The following NR3C2 variants were observed in gnomAD, a reference collection of about 807,000 sequenced individuals.
NR3C2 encodes nuclear receptor subfamily 3 group C member 2.
NR3C2 carries 15 observed loss-of-function variants against 86.4 expected under a neutral mutation model. The observed-to-expected ratio is 0.17, with a 90% CI of 0.12 to 0.27. NR3C2 has a LOEUF of 0.27. Among genes scored for constraint, NR3C2 ranks in the 10% least tolerant of loss-of-function variants. The pLI is 1.00. For missense variants in NR3C2, 960 were observed against 1,195.6 expected, an observed-to-expected ratio of 0.80 and a Z score of 2.91; for synonymous variants, 458 against 450.5, an observed-to-expected ratio of 1.02 and a Z score of -0.21.
intron 8 of NR3C2, among the ~76,000 whole-genome samples, chr4:148,098,491 T>C (rs1731394308): frequency 6.6e-6 from 1 of 151,958 alleles, no homozygotes; most frequent in Non-Finnish European, 1.5e-5. Flanking sequence ...AAACATGGCA[T>C]GCAGTAGACC....
intron 3 of NR3C2, among the ~76,000 whole-genome samples, chr4:148,222,751 G>T (rs1737925746): frequency 6.6e-6 from 1 of 152,186 alleles, no homozygotes; most frequent in Non-Finnish European, 1.5e-5. Flanking sequence ...CAGAGAAGGA[G>T]CAGAGAAGGT....
chr4:148,131,421 GAAA>G (rs1733040151), intron 6 of NR3C2, among the ~76,000 whole-genome samples: 1 of 151,944 alleles, frequency 6.6e-6, no homozygotes, highest in African/African-American at 2.4e-5. Context: ...ACAGCATGCA[GAAA>G]AACAGGTTTT....
At chr4:148,277,019 C>T (rs1740993769) in intron 2 of NR3C2, among the ~76,000 whole-genome samples, 1 of 152,224 alleles carries the variant, frequency 6.6e-6, no homozygotes, top group African/African-American at 2.4e-5. Context: ...CATTTAATCA[C>T]ATTTATTTCA....
chr4:148,384,067 T>C (rs13109933), intron 2 of NR3C2, among the ~76,000 whole-genome samples: 74,800 of 151,780 alleles, frequency 0.49, 19,165 homozygotes, highest in East Asian at 0.75. Flanking sequence ...TCACTGGCAA[T>C]TACCAGGAAG....
chr4:148,149,097 T>C (rs146020306), intron 6 of NR3C2, among the ~76,000 whole-genome samples: 51 of 152,334 alleles, frequency 3.3e-4, no homozygotes, highest in African/African-American at 9.4e-4. Flanking sequence ...CAGAATAGTA[T>C]CCACCCTAGC....
At chr4:148,443,014 G>A, upstream of NR3C2, 2 of 981,908 alleles carry the variant, frequency 2.0e-6, no homozygotes, top group Non-Finnish European at 2.4e-6. Flanking sequence ...GCGCGGGGAG[G>A]ACTCTGGGTG....
At chr4:148,249,270 G>A (rs1739460059) in intron 3 of NR3C2, among the ~76,000 whole-genome samples, 1 of 151,856 alleles carries the variant, frequency 6.6e-6, no homozygotes, top group Non-Finnish European at 1.5e-5. Context: ...AAAAGGGATT[G>A]AGAGGAAGGA....
chr4:148,149,261 T>C (rs1734001761), intron 6 of NR3C2, among the ~76,000 whole-genome samples: 1 of 152,218 alleles, frequency 6.6e-6, no homozygotes, highest in Non-Finnish European at 1.5e-5. Context: ...CTTTTAATAT[T>C]AGAAAGCATT....
At chr4:148,330,322 A>G (rs1280103994) in intron 2 of NR3C2, among the ~76,000 whole-genome samples, 1 of 152,158 alleles carries the variant, frequency 6.6e-6, no homozygotes, top group African/African-American at 2.4e-5. Context: ...GCCCACACAC[A>G]CTATGAATTA....
chr4:148,363,432 A>G lies in NR3C2; in HGVS notation c.1757+71672T>C, dbSNP rs1745941962. On this transcript the variant is annotated intron_variant, in intron 2 of 8. Coordinates refer to ENST00000358102, the MANE Select transcript of NR3C2 (RefSeq NM_000901.5). ...ATATTTATGTATCAAAGTCACAGGC[A>G]TCGGGGACAGGATTTTTTACATGAA... Among the ~76,000 whole-genome samples, 4 of 150,688 alleles carry G rather than the reference A, an allele frequency of 2.7e-5. 1 individual carries two copies. The South Asian group carries it at 8.4e-4, about 32-fold the overall frequency.
At chr4:148,406,861 G>A (rs1220294667) in intron 2 of NR3C2, among the ~76,000 whole-genome samples, 1 of 152,178 alleles carries the variant, frequency 6.6e-6, no homozygotes, top group Non-Finnish European at 1.5e-5. Context: ...GCAAAGTCCA[G>A]GATCAGTGTT....
intron 6 of NR3C2, among the ~76,000 whole-genome samples, chr4:148,132,507 G>A (rs1733085193): frequency 6.6e-6 from 1 of 152,142 alleles, no homozygotes; most frequent in African/African-American, 2.4e-5. Flanking sequence ...AATACGCCTG[G>A]CACTTAATTC....
At chr4:148,367,696 C>CA (rs538432146) in intron 2 of NR3C2, among the ~76,000 whole-genome samples, 43 of 151,838 alleles carry the variant, frequency 2.8e-4, no homozygotes, top group African/African-American at 9.9e-4. Context: ...TAGAACTACA[C>CA]AAAAATTTGT....
At chr4:148,422,571 CA>C (rs1474389017) in intron 2 of NR3C2, among the ~76,000 whole-genome samples, 3 of 151,984 alleles carry the variant, frequency 2.0e-5, no homozygotes, top group Non-Finnish European at 4.4e-5. Context: ...AGAAAATAAG[CA>C]CATTTCTACT....
chr4:148,318,904 G>T (rs9685269), intron 2 of NR3C2, among the ~76,000 whole-genome samples: 48,734 of 147,948 alleles, frequency 0.33, 9,008 homozygotes, highest in African/African-American at 0.52. Flanking sequence ...GTCAATTTTG[G>T]CTTTTGTTGC....
intron 3 of NR3C2, among the ~76,000 whole-genome samples, chr4:148,239,817 C>A (rs1377181120): frequency 1.3e-5 from 2 of 151,968 alleles, no homozygotes; most frequent in Admixed American, 1.3e-4. Context: ...GAGAATGGAA[C>A]CTTTTCGAAG....
At chr4:148,261,537 TG>T (rs2149873909) in intron 2 of NR3C2, among the ~76,000 whole-genome samples, 1 of 152,256 alleles carries the variant, frequency 6.6e-6, no homozygotes, top group Admixed American at 6.5e-5. Flanking sequence ...CTTCCCGAAA[TG>T]TGACAGCTAA....
At chr4:148,145,926 G>A (rs1733848036) in intron 6 of NR3C2, among the ~76,000 whole-genome samples, 1 of 152,094 alleles carries the variant, frequency 6.6e-6, no homozygotes, top group Non-Finnish European at 1.5e-5. Flanking sequence ...GGAGAGAGAA[G>A]GGGAGAAGGA....
chr4:148,114,025 A>G, intron 8 of NR3C2, 79 bp downstream of exon 8: 1 of 1,544,946 alleles, frequency 6.5e-7, no homozygotes, highest in Non-Finnish European at 8.9e-7. Flanking sequence ...GAAAACTCTC[A>G]GTCTCTGTTT....
Sources: allele counts gnomAD v4.1 joint callset (sites outside exome capture counted in the v4.1 genomes callset), GRCh38; gene constraint gnomAD v4.1.1; transcripts MANE v1.5; gene names NCBI Gene and HGNC (gene_info 2026-07-23, HGNC 2026-07-21).